IMMP2L: variants seen among roughly 807,000 people sequenced by gnomAD.
IMMP2L encodes inner mitochondrial membrane peptidase subunit 2, also known as mitochondrial inner membrane protease subunit 2.
Under a neutral mutation model 19.3 loss-of-function variants are expected in IMMP2L, and 18 were observed. The ratio of observed to expected loss-of-function variants is 0.93; its 90% confidence interval spans 0.64 to 1.38. IMMP2L has a LOEUF of 1.38. Ranked by LOEUF, IMMP2L falls within the 40% of genes most tolerant of loss-of-function variation. The probability of loss-of-function intolerance (pLI) is 0.00; values close to 1 mark genes in which losing one functional copy is unlikely to be tolerated. For synonymous variants in IMMP2L, 76 were observed against 73.0 expected (o/e 1.04, Z -0.21); for missense variants, 233 against 218.2 (o/e 1.07, Z -0.43).
At chr7:110,715,565 A>G (rs962907523) in intron 5 of IMMP2L, among the ~76,000 whole-genome samples, 7 of 151,962 alleles carry the variant, frequency 4.6e-5, no homozygotes, top group African/African-American at 1.7e-4. Context: ...TTTCCAGGTA[A>G]TTTTGTCATT....
intron 3 of IMMP2L, among the ~76,000 whole-genome samples, chr7:111,456,329 T>C (rs984801319): frequency 2.0e-5 from 3 of 152,026 alleles, no homozygotes; most frequent in African/African-American, 7.2e-5. Context: ...CTCATTCCTC[T>C]ACTTCTAAGA....
intron 4 of IMMP2L, among the ~76,000 whole-genome samples, chr7:110,928,454 C>T (rs1815108721): frequency 8.2e-6 from 1 of 121,566 alleles, no homozygotes; most frequent in Admixed American, 8.6e-5. Flanking sequence ...GAAATGAAAA[C>T]CAGAGGTTAG....
At chr7:111,193,505 T>A (rs888646977) in intron 3 of IMMP2L, among the ~76,000 whole-genome samples, 2 of 152,292 alleles carry the variant, frequency 1.3e-5, no homozygotes, top group South Asian at 2.1e-4. Flanking sequence ...TGAGCATCCA[T>A]CTCCAACGAC....
At chr7:111,250,306 T>G (rs1815944359) in intron 3 of IMMP2L, among the ~76,000 whole-genome samples, 1 of 152,114 alleles carries the variant, frequency 6.6e-6, no homozygotes, top group Admixed American at 6.6e-5. Flanking sequence ...GAAGAATCAA[T>G]ACCAAGAAAA....
chr7:110,738,341 G>A (rs1299638012), intron 5 of IMMP2L, among the ~76,000 whole-genome samples: 5 of 152,140 alleles, frequency 3.3e-5, no homozygotes, highest in Non-Finnish European at 4.4e-5. Context: ...AAATTCTTCA[G>A]TGAAATAGAT....
chr7:110,904,488 A>G (rs1187998210), intron 4 of IMMP2L, among the ~76,000 whole-genome samples: 1 of 152,282 alleles, frequency 6.6e-6, no homozygotes, highest in East Asian at 1.9e-4. Context: ...TTTTCCCAAC[A>G]CCATTTGTTG....
At chr7:110,719,256 TC>T (rs111408819) in intron 5 of IMMP2L, among the ~76,000 whole-genome samples, 2 of 152,284 alleles carry the variant, frequency 1.3e-5, no homozygotes, top group African/African-American at 4.8e-5. Flanking sequence ...TCATGCACCA[TC>T]TGACATAGGC....
intron 3 of IMMP2L, among the ~76,000 whole-genome samples, chr7:111,017,718 C>A (rs1417363198): frequency 3.9e-5 from 6 of 152,058 alleles, no homozygotes; most frequent in Admixed American, 3.9e-4. Flanking sequence ...ATTCTCTCTC[C>A]CTAAGAAACC....
intron 3 of IMMP2L, among the ~76,000 whole-genome samples, chr7:111,089,701 A>T (rs1796654291): frequency 6.6e-6 from 1 of 152,076 alleles, no homozygotes; most frequent in African/African-American, 2.4e-5. Flanking sequence ...TTACAATAAT[A>T]TTCTGAAATA....
chr7:110,702,646 T>A (rs550848026), intron 5 of IMMP2L, among the ~76,000 whole-genome samples: 28 of 152,262 alleles, frequency 1.8e-4, no homozygotes, highest in Admixed American at 1.4e-3. Flanking sequence ...GTTAAATTCA[T>A]CCCTTAGTTT....
intron 1 of IMMP2L, among the ~76,000 whole-genome samples, chr7:111,561,382 T>G (rs897496734): frequency 2.0e-5 from 3 of 152,186 alleles, no homozygotes; most frequent in African/African-American, 7.2e-5. Flanking sequence ...TGTTACTAAC[T>G]TTATGCTTTG....
At chr7:111,131,749 A>G (rs1801867606) in intron 3 of IMMP2L, among the ~76,000 whole-genome samples, 1 of 151,980 alleles carries the variant, frequency 6.6e-6, no homozygotes, top group African/African-American at 2.4e-5. Flanking sequence ...CAGCATTAAC[A>G]TTCCAATTTA....
intron 3 of IMMP2L, among the ~76,000 whole-genome samples, chr7:111,243,090 C>T (rs950659873): frequency 4.6e-5 from 7 of 152,074 alleles, no homozygotes; most frequent in African/African-American, 1.7e-4. Flanking sequence ...AAACAAAATT[C>T]TTATTATTTT....
chr7:111,385,840 A>G (rs1246026338), intron 3 of IMMP2L, among the ~76,000 whole-genome samples: 1 of 152,080 alleles, frequency 6.6e-6, no homozygotes, highest in African/African-American at 2.4e-5. Flanking sequence ...TTATCCACTT[A>G]CCCTCTACTA....
At chr7:110,730,591 C>G (rs1210158561) in intron 5 of IMMP2L, among the ~76,000 whole-genome samples, 1 of 150,824 alleles carries the variant, frequency 6.6e-6, no homozygotes. Context: ...TGCATGCCAT[C>G]TCGGCTCACT....
In IMMP2L at chr7:111,238,574, T is replaced by A. The variant is rs543008109; in HGVS notation, c.239+248664A>T. ...GATTCCAGGGTCAATTTAATATAAT[T>A]CTGTCTCTCTTTTAAGACCCAATCA... is the stretch of plus-strand genomic sequence containing the variant. On this transcript the variant is annotated intron_variant, in intron 3 of 5. Transcript: ENST00000405709. Among the ~76,000 whole-genome samples, 35 of 151,990 alleles carry A rather than the reference T, an allele frequency of 2.3e-4. 1 individual carries two copies. In the South Asian group the frequency reaches 7.3e-3, roughly 32 times the overall value.
intron 5 of IMMP2L, among the ~76,000 whole-genome samples, chr7:110,696,616 G>A (rs1291648837): frequency 1.3e-5 from 2 of 151,602 alleles, no homozygotes; most frequent in East Asian, 1.9e-4. Context: ...TAGTAGAGAC[G>A]GGTTTCACCA....
At chr7:111,367,077 G>T (rs1028310760) in intron 3 of IMMP2L, among the ~76,000 whole-genome samples, 2 of 151,336 alleles carry the variant, frequency 1.3e-5, no homozygotes, top group East Asian at 3.9e-4. Context: ...GAGAGGAATA[G>T]GAGAGAGGAG....
rs147756095 is a variant in IMMP2L at position 111,430,433 on chromosome 7, T to C, written c.239+56805A>G. 3.5e-4 allele frequency among the ~76,000 whole-genome samples: 53 copies of C among 151,866 alleles called. No individual in the cohort carries two copies. In the East Asian group the frequency reaches 8.3e-3, roughly 24 times the overall value. On this transcript the variant is annotated intron_variant, in intron 3 of 5. Coordinates refer to ENST00000405709, the MANE Select transcript of IMMP2L (RefSeq NM_032549.4). ...ATGTCATCAAGTATGCCTTTTAGCC[T>C]TCTTTAACTTCTTTTCAAAAATCTA...
Sources: allele counts gnomAD v4.1 joint callset (sites outside exome capture counted in the v4.1 genomes callset), GRCh38; gene constraint gnomAD v4.1.1; transcripts MANE v1.5; gene names NCBI Gene and HGNC (gene_info 2026-07-23, HGNC 2026-07-21).